EPHB1: variants seen among roughly 807,000 people sequenced by gnomAD.
The protein encoded by EPHB1 is EPH receptor B1.
Under a neutral mutation model 94.4 loss-of-function variants are expected in EPHB1, and 30 were observed. The observed-to-expected ratio is 0.32, with a 90% CI of 0.24 to 0.43. EPHB1 has a LOEUF of 0.43. Among genes scored for constraint, EPHB1 ranks in the 20% least tolerant of loss-of-function variants. EPHB1 has a pLI of 1.00. For missense variants in EPHB1, 1,055 were observed against 1,308.3 expected, an observed-to-expected ratio of 0.81 and a Z score of 2.99; for synonymous variants, 522 against 489.1, an observed-to-expected ratio of 1.07 and a Z score of -0.89.
At chr3:135,123,112 C>A (rs920609929) in intron 4 of EPHB1, among the ~76,000 whole-genome samples, 1 of 152,126 alleles carries the variant, frequency 6.6e-6, no homozygotes, top group Non-Finnish European at 1.5e-5. Context: ...TGCCTCTACC[C>A]CAGGTGGAAG....
intron 12 of EPHB1, among the ~76,000 whole-genome samples, chr3:135,206,875 G>A (rs1576469067): frequency 6.6e-6 from 1 of 152,034 alleles, no homozygotes; most frequent in Non-Finnish European, 1.5e-5. Context: ...TACTGTCTGG[G>A]TAAAGCAAGT....
intron 1 of EPHB1, among the ~76,000 whole-genome samples, chr3:134,889,612 T>C (rs927900766): frequency 6.6e-6 from 1 of 152,192 alleles, no homozygotes; most frequent in African/African-American, 2.4e-5. Context: ...TAATATCTGC[T>C]AAGACTATTT....
intron 3 of EPHB1, among the ~76,000 whole-genome samples, chr3:134,955,067 CTTTCTTTTTTTTT>C (rs1933199419): frequency 1.4e-4 from 1 of 7,100 alleles, no homozygotes; most frequent in African/African-American, 4.0e-4. Flanking sequence ...TCCTGACATC[CTTTCTTTTTTTTT>C]TTTTTTTTTT....
At chr3:134,924,314 A>C (rs2038746579) in intron 1 of EPHB1, among the ~76,000 whole-genome samples, 1 of 152,254 alleles carries the variant, frequency 6.6e-6, no homozygotes, top group Non-Finnish European at 1.5e-5. Flanking sequence ...CATAAGACAC[A>C]GACTGGGAGA....
rs35676702 is a variant in EPHB1, at chr3:134,874,555, T to G, written c.59-51261T>G. Among the ~76,000 whole-genome samples, 538 of 152,342 alleles carry G rather than the reference T, an allele frequency of 3.5e-3. 1 individual carries two copies. The highest frequency in any genetic ancestry group is 5.0e-3 in the Non-Finnish European group (338 of 68,038). On this transcript the variant is annotated intron_variant, in intron 1 of 15. Coordinates refer to ENST00000398015, the MANE Select transcript of EPHB1 (RefSeq NM_004441.5). ...CACTTGAAATATCGGCAACAGATTC[T>G]AAAAACATTACCCACTGCACTGCCA...
intron 3 of EPHB1, among the ~76,000 whole-genome samples, chr3:134,987,320 A>C (rs1934635078): frequency 6.6e-6 from 1 of 152,194 alleles, no homozygotes; most frequent in Non-Finnish European, 1.5e-5. Context: ...TGTAGGGCCT[A>C]AGGCTCTAAT....
intron 3 of EPHB1, among the ~76,000 whole-genome samples, chr3:134,991,110 G>A (rs1051574012): frequency 1.3e-5 from 2 of 152,042 alleles, no homozygotes; most frequent in East Asian, 1.9e-4. Context: ...TTGCCCTGCC[G>A]TTTCTTTTCA....
intron 9 of EPHB1, among the ~76,000 whole-genome samples, chr3:135,175,460 A>G (rs1428770044): frequency 2.0e-5 from 3 of 152,236 alleles, no homozygotes; most frequent in African/African-American, 7.2e-5. Flanking sequence ...GTTAATCTCA[A>G]CTATAGCATA....
At chr3:135,237,710 G>T (rs942285712) in intron 12 of EPHB1, among the ~76,000 whole-genome samples, 1 of 152,180 alleles carries the variant, frequency 6.6e-6, no homozygotes, top group Non-Finnish European at 1.5e-5. Flanking sequence ...TTCCTTTCCA[G>T]TGAGCCCCAT....
chr3:134,949,220 G>A (rs188787411), intron 2 of EPHB1, among the ~76,000 whole-genome samples: 262 of 152,262 alleles, frequency 1.7e-3, no homozygotes, highest in African/African-American at 6.0e-3. Flanking sequence ...CTGTTGGTGA[G>A]GGACTGGCAG....
chr3:135,167,142 C>T lies in EPHB1; in HGVS notation c.1759+136C>T, dbSNP rs571375897. On this transcript the variant is annotated intron_variant, in intron 9 of 15. Transcript: ENST00000398015. ...CTCTCTCAGCCCCCAGTGCCTTGGC[C>T]ACCTTTCTGCAGGTCCCCAGGGGCA... is the stretch of plus-strand genomic sequence containing the variant. The T allele has an allele frequency of 8.3e-6, 8 of 960,172 alleles. No individual in the cohort carries two copies. In the Admixed American group the frequency reaches 1.0e-4, roughly 12 times the overall value. 59.5% of individuals were successfully genotyped at this position (960,172 alleles called of 1,614,324 possible).
At chr3:134,941,758 C>G (rs907833936) in intron 2 of EPHB1, among the ~76,000 whole-genome samples, 2 of 70,084 alleles carry the variant, frequency 2.9e-5, no homozygotes, top group African/African-American at 1.2e-4. Flanking sequence ...CACAGACACA[C>G]ACACACACAC....
At chr3:135,165,704 A>G (rs1450269595) in intron 7 of EPHB1, among the ~76,000 whole-genome samples, 1 of 152,210 alleles carries the variant, frequency 6.6e-6, no homozygotes, top group Non-Finnish European at 1.5e-5. Flanking sequence ...ATTGGAAATC[A>G]TCTCTGCTCC....
chr3:134,829,007 A>G (rs1406728646), intron 1 of EPHB1, among the ~76,000 whole-genome samples: 1 of 152,212 alleles, frequency 6.6e-6, no homozygotes, highest in Non-Finnish European at 1.5e-5. Flanking sequence ...ATTTTGGGGA[A>G]TGCTAACCAA....
chr3:135,251,845 A>C (rs188416764), intron 15 of EPHB1, among the ~76,000 whole-genome samples: 30 of 152,196 alleles, frequency 2.0e-4, no homozygotes, highest in Non-Finnish European at 3.5e-4. Context: ...TGCTGGGTTC[A>C]GGGGGCTTTA....
chr3:135,050,246 C>T (rs1013183998), intron 3 of EPHB1, among the ~76,000 whole-genome samples: 1 of 152,166 alleles, frequency 6.6e-6, no homozygotes, highest in African/African-American at 2.4e-5. Flanking sequence ...ACTTTAGATC[C>T]TAACCTTTTG....
intron 1 of EPHB1, among the ~76,000 whole-genome samples, chr3:134,882,827 C>CT (rs1313698773): frequency 1.7e-4 from 16 of 94,808 alleles, no homozygotes; most frequent in African/African-American, 6.0e-4. Context: ...TCTTTCTTTT[C>CT]TTTCTTTCTT....
chr3:134,853,273 G>A (rs1217572878), intron 1 of EPHB1, among the ~76,000 whole-genome samples: 2 of 152,184 alleles, frequency 1.3e-5, no homozygotes, highest in African/African-American at 2.4e-5. Context: ...GGCTCACAGG[G>A]CCTAGCCCTC....
chr3:135,179,652 A>T (rs999377683), intron 9 of EPHB1, among the ~76,000 whole-genome samples: 3 of 152,118 alleles, frequency 2.0e-5, no homozygotes, highest in African/African-American at 7.2e-5. Context: ...TATGGAGGAG[A>T]AGTAGAGGAC....
Sources: allele counts gnomAD v4.1 joint callset (sites outside exome capture counted in the v4.1 genomes callset), GRCh38; gene constraint gnomAD v4.1.1; transcripts MANE v1.5; gene names NCBI Gene and HGNC (gene_info 2026-07-23, HGNC 2026-07-21).